LARS1: variants seen among roughly 807,000 people sequenced by gnomAD.
The protein encoded by LARS1 is leucyl-tRNA synthetase 1.
LARS1 carries 100 observed loss-of-function variants against 162.8 expected under a neutral mutation model. That is an observed-to-expected ratio of 0.61 (90% CI 0.52 to 0.73). The LOEUF is 0.73. Among genes scored for constraint, LARS1 ranks in the 30% least tolerant of loss-of-function variants. LARS1 has a pLI of 0.00. For missense variants in LARS1, 1,258 were observed against 1,408.9 expected (o/e 0.89, Z 1.71); for synonymous variants, 457 against 462.8 (o/e 0.99, Z 0.16).
chr5:146,118,674 AG>A (rs1751680390), intron 31 of LARS1, among the ~76,000 whole-genome samples: 1 of 152,230 alleles, frequency 6.6e-6, no homozygotes, highest in South Asian at 2.1e-4. Context: ...AAAGAAAAAA[AG>A]ACAGTAGAGC....
chr5:146,151,109 A>G (rs1399621735), intron 14 of LARS1, among the ~76,000 whole-genome samples: 1 of 152,192 alleles, frequency 6.6e-6, no homozygotes, highest in Non-Finnish European at 1.5e-5. Context: ...CGTAAATTGG[A>G]GATAAGAGTG....
intron 24 of LARS1, chr5:146,130,406 TAA>T (rs906621018): frequency 3.4e-5 from 16 of 473,008 alleles, no homozygotes; most frequent in South Asian, 9.9e-5. Flanking sequence ...AACTGAGACA[TAA>T]AAGTTGAACA....
intron 21 of LARS1, 97 bp downstream of exon 21, chr5:146,140,107 A>G: frequency 1.1e-6 from 1 of 926,148 alleles, no homozygotes; most frequent in Admixed American, 2.0e-5. Flanking sequence ...ACACCTGGAC[A>G]CATTATTTCT....
chr5:146,138,925 G>A (rs896585144), intron 21 of LARS1: 11 of 345,384 alleles, frequency 3.2e-5, no homozygotes, highest in Middle Eastern at 1.2e-3. Flanking sequence ...CAGTAGCATG[G>A]TTCATGCCAA....
At chr5:146,119,624 T>A (rs191397707) in intron 31 of LARS1, among the ~76,000 whole-genome samples, 1 of 152,262 alleles carries the variant, frequency 6.6e-6, no homozygotes, top group East Asian at 1.9e-4. Flanking sequence ...CCCTTCACAC[T>A]CTGCTCACCG....
In LARS1 at chr5:146,164,409, G is replaced by T. The variant is rs3763373; in HGVS notation, c.495C>A (p.Gly165=). The part of the protein sequence containing the change: ...KYQWGIMKSL[G]LSDEEIVKFS... The stretch of plus-strand genomic sequence containing the variant: ...ATTTTACTATCTCTTCATCAGACAG[G>T]CCAAGGGATTTCATAATGCCCCACT... The change falls in exon 6 of 32, where the codon GGC becomes GGA. Residue 165 remains glycine, a synonymous_variant. Transcript: ENST00000394434. 1.2e-6 allele frequency: 2 copies of T among 1,613,722 alleles called. No homozygotes were observed. Among genetic ancestry groups the T allele is most frequent in the East Asian group, 2.2e-5 (1 of 44,864 alleles).
At position 146,149,028 on chromosome 5, in the gene LARS1, T is replaced by A. The variant is rs1753149404; in HGVS notation, c.1503+594A>T. On this transcript the variant is annotated intron_variant, in intron 15 of 31. Coordinates refer to ENST00000394434, the MANE Select transcript of LARS1 (RefSeq NM_020117.11). The stretch of plus-strand genomic sequence containing the variant: ...AGGTGGAGGTTGCAGTGAGCTGAGA[T>A]CGCGCCATTGCATTCCAGTCTGTGT... Among the ~76,000 whole-genome samples the A allele has an allele frequency of 2.6e-5, 4 of 152,000 alleles. No individual in the cohort carries two copies. In the South Asian group the frequency reaches 6.2e-4, roughly 24 times the overall value.
chr5:146,168,711 A>T (rs556238058), intron 4 of LARS1, among the ~76,000 whole-genome samples: 21 of 152,186 alleles, frequency 1.4e-4, no homozygotes, highest in African/African-American at 5.1e-4. Context: ...AAATTAAATT[A>T]AAAAAAGGTA....
At chr5:146,136,259 G>A (rs1216188529) in intron 21 of LARS1, among the ~76,000 whole-genome samples, 1 of 152,142 alleles carries the variant, frequency 6.6e-6, no homozygotes, top group Non-Finnish European at 1.5e-5. Flanking sequence ...ATACTACATG[G>A]CAATACATAT....
chr5:146,147,565 C>A (rs901447924), intron 15 of LARS1, among the ~76,000 whole-genome samples: 2 of 151,888 alleles, frequency 1.3e-5, no homozygotes, highest in East Asian at 1.9e-4. Flanking sequence ...AAAATAAGTT[C>A]TTATAAATTT....
intron 31 of LARS1, among the ~76,000 whole-genome samples, chr5:146,118,135 T>C (rs575099007): frequency 1.3e-5 from 2 of 152,056 alleles, no homozygotes. Flanking sequence ...CATCAACGGA[T>C]GAATGAAAAG....
chr5:146,138,484 TG>T (rs1264217130), intron 21 of LARS1: 1 of 151,766 alleles, frequency 6.6e-6, no homozygotes, highest in Non-Finnish European at 1.5e-5. Flanking sequence ...CCCAGCACTT[TG>T]GGAAGCCGAG....
chr5:146,128,645 G>A (rs201415511), intron 27 of LARS1, 27 bp downstream of exon 27: 2 of 1,448,100 alleles, frequency 1.4e-6, no homozygotes, highest in East Asian at 4.9e-5. Flanking sequence ...ACACCATCAG[G>A]GGGGAAAAGT....
intron 10 of LARS1, among the ~76,000 whole-genome samples, chr5:146,154,769 C>A (rs754068737): frequency 1.3e-5 from 2 of 151,916 alleles, no homozygotes; most frequent in African/African-American, 2.4e-5. Context: ...CAGAGGGAGA[C>A]CCCGTCTCAA....
chr5:146,143,500 A>G lies in LARS1; in HGVS notation c.1789T>C (p.Ser597Pro). Residue 597 changes from serine (S) to proline (P), a missense_variant, in exon 19 of 32, where the codon TCC (serine) becomes CCC (proline). Transcript: ENST00000394434. Reference sequence around the variant, plus strand: ...GTGTAAAATGCCATGTAAATAGTGGAGTCAGAAAGTGATTCAATCAGCCAC... The same window carrying G: ...GTGTAAAATGCCATGTAAATAGTGGGGTCAGAAAGTGATTCAATCAGCCAC... ...EQWLIESLSD[S>P]TIYMAFYTVA... 1 of 1,613,980 alleles carries G rather than the reference A, an allele frequency of 6.2e-7. No individual in the cohort carries two copies. The highest frequency in any genetic ancestry group is 8.5e-7 in the Non-Finnish European group (1 of 1,179,894).
At chr5:146,117,471 G>A (rs1288281109) in intron 31 of LARS1, among the ~76,000 whole-genome samples, 3 of 152,142 alleles carry the variant, frequency 2.0e-5, no homozygotes, top group Non-Finnish European at 2.9e-5. Flanking sequence ...TTAGCCAGGT[G>A]TGGTGGCTCA....
intron 15 of LARS1, among the ~76,000 whole-genome samples, chr5:146,147,190 T>C (rs1460345495): frequency 2.0e-5 from 3 of 152,116 alleles, no homozygotes; most frequent in Non-Finnish European, 4.4e-5. Context: ...ACATTTCTTT[T>C]TACACCCAAA....
chr5:146,178,505 T>C (rs1490006296), intron 1 of LARS1, among the ~76,000 whole-genome samples: 1 of 151,806 alleles, frequency 6.6e-6, no homozygotes, highest in Non-Finnish European at 1.5e-5. Context: ...TCCCAGCTAC[T>C]TGGGAGGCTG....
chr5:146,162,782 C>A (rs1348068873), intron 6 of LARS1, among the ~76,000 whole-genome samples: 1 of 152,194 alleles, frequency 6.6e-6, no homozygotes, highest in Non-Finnish European at 1.5e-5. Context: ...TTAGCTAGAT[C>A]CCCTAAATAA....
Sources: allele counts gnomAD v4.1 joint callset (sites outside exome capture counted in the v4.1 genomes callset), GRCh38; gene constraint gnomAD v4.1.1; transcripts MANE v1.5; gene names NCBI Gene and HGNC (gene_info 2026-07-23, HGNC 2026-07-21).